The following ABCG2 variants were observed in gnomAD, a reference collection of about 807,000 sequenced individuals.
ABCG2 encodes the protein broad substrate specificity ATP-binding cassette transporter ABCG2.
ABCG2 carries 80 observed loss-of-function variants against 73.5 expected under a neutral mutation model. The ratio of observed to expected loss-of-function variants is 1.09; its 90% CI spans 0.91 to 1.31. ABCG2 has a LOEUF of 1.31. Ranked by LOEUF, ABCG2 falls within the 50% of genes most tolerant of loss-of-function variation. The pLI, the probability that ABCG2 is intolerant of heterozygous loss-of-function variation, is 0.00. For missense variants in ABCG2, 796 were observed against 786.2 expected (o/e 1.01, Z -0.15); for synonymous variants, 269 against 282.4 (o/e 0.95, Z 0.48).
intron 1 of ABCG2, among the ~76,000 whole-genome samples, chr4:88,157,230 T>G (rs78828974): frequency 6.6e-6 from 1 of 152,176 alleles, no homozygotes; most frequent in African/African-American, 2.4e-5. Flanking sequence ...AAACACAAAT[T>G]GAGGGGCATT....
rs377457910 is a variant in ABCG2 at position 88,118,228 on chromosome 4, G to A, written c.722C>T (p.Ser241Phe). 19 of 1,614,132 alleles carry A rather than the reference G, an allele frequency of 1.2e-5. No homozygotes were observed. The highest frequency in any genetic ancestry group is 1.5e-5 in the Non-Finnish European group (18 of 1,180,000). ...GATGGAATATCGAGGCTGATGAATG[G>A]AGAAGATGATTGTTCGTCCCTGCTT... is the stretch of plus-strand genomic sequence containing the variant. ...MSKQGRTIIF[S>F]IHQPRYSIFK... The change falls in exon 7 of 16, where the codon TCC (serine) becomes TTC (phenylalanine). Residue 241 changes from serine to phenylalanine, a missense_variant. Physicochemically the swap from Ser to Phe is radical, Grantham distance 155 (BLOSUM62 -2). Coordinates refer to ENST00000237612, the MANE Select transcript of ABCG2 (RefSeq NM_004827.3).
chr4:88,091,823 T>C lies in ABCG2; in HGVS notation c.*411A>G, dbSNP rs1218419702. On this transcript the variant is annotated 3_prime_UTR_variant, in exon 16 of 16. Transcript: ENST00000237612. ...TTCCAGTATAGCATTAATACATTTG[T>C]CATTTATTAAATAATGGCAAACCAT... is the stretch of plus-strand genomic sequence containing the variant. 2 of 156,600 alleles carry C rather than the reference T, an allele frequency of 1.3e-5. No homozygotes were observed. The highest frequency in any genetic ancestry group is 1.3e-4 in the Admixed American group (2 of 15,998). 9.7% of individuals were successfully genotyped at this position (156,600 alleles called of 1,614,324 possible). A position where few individuals can be genotyped will look rare whatever the true frequency, so the allele number is the denominator to read the frequency against.
chr4:88,131,101 A>C lies in ABCG2; in HGVS notation c.491T>G (p.Val164Gly), dbSNP rs1724831700. The C allele has an allele frequency of 6.2e-7, 1 of 1,613,932 alleles. No individual in the cohort carries two copies. The change falls in exon 5 of 16, where the codon GTC becomes GGC. Residue 164 changes from valine (V) to glycine (G), a missense_variant. By Grantham distance (109) the Val-to-Gly change is moderately radical. Transcript: ENST00000237612. ...TTTATCCAGACCTAACTCTTGAATG[A>C]CCCTGTTAATCCGTTCGTTTTTTTC... ...NHEKNERINR[V>G]IQELGLDKVA...
At chr4:88,098,356 G>A (rs998864095) in intron 12 of ABCG2, among the ~76,000 whole-genome samples, 3 of 151,986 alleles carry the variant, frequency 2.0e-5, no homozygotes, top group Non-Finnish European at 4.4e-5. Flanking sequence ...GTTTATCAGT[G>A]AAATATATGG....
intron 2 of ABCG2, among the ~76,000 whole-genome samples, chr4:88,133,257 C>T (rs188916118): frequency 2.0e-5 from 3 of 152,090 alleles, no homozygotes; most frequent in African/African-American, 2.4e-5. Flanking sequence ...TGTGGAATAC[C>T]GGTAGAAGTA....
chr4:88,179,668 C>T (rs929069450), intron 1 of ABCG2, among the ~76,000 whole-genome samples: 7 of 152,008 alleles, frequency 4.6e-5, no homozygotes, highest in African/African-American at 7.3e-5. Context: ...CAAGATAACA[C>T]AAAGAAGGAA....
intron 1 of ABCG2, among the ~76,000 whole-genome samples, chr4:88,223,402 G>A (rs891674058): frequency 1.3e-5 from 2 of 152,088 alleles, no homozygotes; most frequent in Non-Finnish European, 2.9e-5. Context: ...GAATCATGAG[G>A]GCAGTTACCT....
intron 1 of ABCG2, among the ~76,000 whole-genome samples, chr4:88,201,038 GA>G (rs1729141600): frequency 6.6e-6 from 1 of 151,362 alleles, no homozygotes; most frequent in African/African-American, 2.4e-5. Context: ...TACCACCTTG[GA>G]AAACTAGAAA....
intron 1 of ABCG2, among the ~76,000 whole-genome samples, chr4:88,220,891 C>T (rs990989057): frequency 2.0e-5 from 3 of 152,162 alleles, no homozygotes; most frequent in Admixed American, 6.5e-5. Flanking sequence ...TGTTTGCTTC[C>T]CCTTCTGCCA....
In ABCG2 at chr4:88,214,985, G is replaced by T. The variant is rs139195406; in HGVS notation, c.-20+16009C>A. ...TGCACACCTGTAGTCCCAGCTATATGGGAGGCTGAGGCAGGAGGATCACTT... is the reference window on the plus strand; with the variant it reads ...TGCACACCTGTAGTCCCAGCTATATTGGAGGCTGAGGCAGGAGGATCACTT... On this transcript the variant is annotated intron_variant, in intron 1 of 15. Transcript: ENST00000515655. Among the ~76,000 whole-genome samples the T allele has an allele frequency of 5.2e-4, 78 of 150,102 alleles. 1 individual carries two copies. In the East Asian group the frequency reaches 0.015, roughly 29 times the overall value.
intron 1 of ABCG2, among the ~76,000 whole-genome samples, chr4:88,226,274 C>A (rs1382220550): frequency 6.6e-6 from 1 of 152,172 alleles, no homozygotes; most frequent in Non-Finnish European, 1.5e-5. Flanking sequence ...TCATCACTGT[C>A]AGAGTCAAGT....
intron 2 of ABCG2, among the ~76,000 whole-genome samples, chr4:88,137,935 A>G (rs2869732): frequency 0.2 from 30,499 of 152,038 alleles, 4,009 homozygotes; most frequent in Non-Finnish European, 0.29. Context: ...TGGGAGGATC[A>G]CTTAAGCCCA....
intron 1 of ABCG2, among the ~76,000 whole-genome samples, chr4:88,181,613 C>A (rs1278876562): frequency 6.6e-6 from 1 of 151,930 alleles, no homozygotes; most frequent in Admixed American, 6.6e-5. Flanking sequence ...CATCTGTGCT[C>A]CCAGCTAATC....
In ABCG2 at chr4:88,091,090, C is replaced by T. The variant is rs1229443896; in HGVS notation, c.*1144G>A. ...GAGGGAAATACATCAAGTGTCATTTCAAAAATAACCCAGGGGTAAGGAAGG... is the reference window on the plus strand; with the variant it reads ...GAGGGAAATACATCAAGTGTCATTTTAAAAATAACCCAGGGGTAAGGAAGG... On this transcript the variant is annotated 3_prime_UTR_variant, in exon 16 of 16. Transcript: ENST00000237612. 1 of 152,144 alleles carries T rather than the reference C, an allele frequency of 6.6e-6. No individual in the cohort carries two copies. Among genetic ancestry groups the T allele is most frequent in the Non-Finnish European group, 1.5e-5 (1 of 68,020 alleles). 9.4% of individuals were successfully genotyped at this position (152,144 alleles called of 1,614,324 possible). A position where few individuals can be genotyped will look rare whatever the true frequency, so the allele number is the denominator to read the frequency against.
chr4:88,141,398 T>C (rs1277787950), intron 1 of ABCG2, among the ~76,000 whole-genome samples: 1 of 152,124 alleles, frequency 6.6e-6, no homozygotes. Context: ...AAGAAGCTGC[T>C]AGAAGAAATG....
chr4:88,175,370 TTAAG>T (rs1727916050), intron 1 of ABCG2, among the ~76,000 whole-genome samples: 1 of 152,204 alleles, frequency 6.6e-6, no homozygotes, highest in African/African-American at 2.4e-5. Flanking sequence ...ACTAGACCCA[TTAAG>T]TATTTCATTA....
At chr4:88,193,738 T>TTTTTA (rs1181359770) in intron 1 of ABCG2, among the ~76,000 whole-genome samples, 3 of 152,090 alleles carry the variant, frequency 2.0e-5, no homozygotes, top group Non-Finnish European at 4.4e-5. Flanking sequence ...AGGTTTGAAT[T>TTTTTA]TTTTATTTTA....
chr4:88,094,678 C>A lies in ABCG2; in HGVS notation c.1738-19G>T. On this transcript the variant is annotated intron_variant, in intron 14 of 15. Transcript: ENST00000237612. The stretch of plus-strand genomic sequence containing the variant: ...GCAAAGCCTATAACACAAGTGGGAG[C>A]AGGGCAAGGTAAACAGTTTTAAATT... 1 of 1,592,966 alleles carries A rather than the reference C, an allele frequency of 6.3e-7. No individual in the cohort carries two copies. Among genetic ancestry groups the A allele is most frequent in the East Asian group, 2.2e-5 (1 of 44,766 alleles).
intron 1 of ABCG2, among the ~76,000 whole-genome samples, chr4:88,189,812 C>A (rs886932862): frequency 4.6e-5 from 7 of 152,260 alleles, no homozygotes; most frequent in African/African-American, 1.7e-4. Context: ...TGTTAATAAT[C>A]TTAAGCGAAA....
Sources: gnomAD v4.1 joint callset for allele counts (sites outside exome capture counted in the v4.1 genomes callset) on GRCh38, gnomAD v4.1.1 for gene constraint, MANE v1.5 for transcripts, NCBI Gene and HGNC (gene_info 2026-07-23, HGNC 2026-07-21) for gene names.